The following DST variants were observed in gnomAD, a reference collection of about 807,000 sequenced individuals.
DST encodes bullous pemphigoid antigen.
DST carries 253 observed loss-of-function variants against 875.2 expected under a neutral mutation model. The ratio of observed to expected loss-of-function variants is 0.29; its 90% confidence interval spans 0.26 to 0.32. DST has a LOEUF of 0.32. DST is among the 10% of genes least tolerant of loss of function. The pLI, the probability that DST is intolerant of heterozygous loss-of-function variation, is 1.00. For synonymous variants in DST, 3,124 were observed against 3,197.1 expected (o/e 0.98, Z 0.77); for missense variants, 8,287 against 9,111.6 (o/e 0.91, Z 3.68).
chr6:56,484,610 A>G (rs540577795), intron 88 of DST: 2 of 152,184 alleles, frequency 1.3e-5, no homozygotes, highest in Non-Finnish European at 2.9e-5. Flanking sequence ...ACTATTCTAC[A>G]TTAGTACTAT....
At chr6:56,548,059 A>C (rs2097258642) in intron 61 of DST, among the ~76,000 whole-genome samples, 1 of 152,244 alleles carries the variant, frequency 6.6e-6, no homozygotes, top group Non-Finnish European at 1.5e-5. Context: ...TTCTGAGGTA[A>C]GGCATTTTTT....
chr6:56,916,778 TCACACACACACA>T (rs70989742), intron 2 of DST, among the ~76,000 whole-genome samples: 16 of 91,344 alleles, frequency 1.8e-4, no homozygotes, highest in African/African-American at 3.6e-4. Flanking sequence ...TCTCTCTCTC[TCACACACACACA>T]CACACACACA....
chr6:56,477,548 T>A (rs983519207), intron 90 of DST, 60 bp from the exon 91 acceptor site: 2 of 1,600,380 alleles, frequency 1.2e-6, no homozygotes, highest in African/African-American at 2.7e-5. Context: ...AAAACTCTGG[T>A]GGCATTTGTT....
chr6:56,790,303 T>C (rs2099716917), intron 4 of DST, among the ~76,000 whole-genome samples: 1 of 152,162 alleles, frequency 6.6e-6, no homozygotes, highest in Non-Finnish European at 1.5e-5. Flanking sequence ...AAAGAGGAGA[T>C]TGAGGCTCAG....
At chr6:56,597,374 TAC>T (rs2098401933) in intron 47 of DST, among the ~76,000 whole-genome samples, 1 of 152,184 alleles carries the variant, frequency 6.6e-6, no homozygotes, top group African/African-American at 2.4e-5. Flanking sequence ...TACTGTCAGT[TAC>T]AGTTTCCTCA....
intron 53 of DST, among the ~76,000 whole-genome samples, chr6:56,570,876 G>A (rs1344894867): frequency 1.3e-5 from 2 of 152,232 alleles, no homozygotes; most frequent in East Asian, 3.9e-4. Flanking sequence ...GCTGAATGCC[G>A]GCAGGCACAG....
intron 4 of DST, among the ~76,000 whole-genome samples, chr6:56,793,640 T>C (rs2099734988): frequency 6.6e-6 from 1 of 152,242 alleles, no homozygotes; most frequent in Non-Finnish European, 1.5e-5. Context: ...GGCTTTTTCT[T>C]AGTGCAGCAA....
Position 56,464,713 on chromosome 6 carries a change from A to G in DST, c.22731T>C (p.Ser7577=). 1 of 1,600,868 alleles carries G rather than the reference A, an allele frequency of 6.2e-7. No individual in the cohort carries two copies. Among genetic ancestry groups the G allele is most frequent in the East Asian group, 2.2e-5 (1 of 44,672 alleles). Residue 7577 remains serine, a synonymous_variant, in exon 100 of 104, where the codon TCT becomes TCC. Coordinates refer to ENST00000680361, the MANE Select transcript of DST (RefSeq NM_001374736.1). ...GSKMLRSESN[S]SITTTQPTIA... ...TAGTAGGCTGAGTAGTAGTAATTGA[A>G]GAGTTTGATTCCGAACGTAACATTT...
In DST at chr6:56,631,459, G is replaced by T. The variant is rs45553042; in HGVS notation, c.3964-70C>A. 78,540 of 1,248,992 alleles carry T rather than the reference G, an allele frequency of 0.063. 6,425 individuals carry two copies. Among genetic ancestry groups the T allele is most frequent in the African/African-American group, 0.39 (26,013 of 67,516 alleles). 77.4% of individuals were successfully genotyped at this position (1,248,992 alleles called of 1,614,324 possible). The stretch of plus-strand genomic sequence containing the variant: ...ATGAGGTGTTTTTCTTAAACTAGTT[G>T]AAAAACACACATTTCACATTAAGAA... On this transcript the variant is annotated intron_variant, in intron 29 of 103. Coordinates refer to ENST00000680361, the MANE Select transcript of DST (RefSeq NM_001374736.1).
intron 3 of DST, among the ~76,000 whole-genome samples, chr6:56,852,481 T>C (rs919354617): frequency 3.3e-5 from 5 of 152,182 alleles, no homozygotes; most frequent in Non-Finnish European, 1.5e-5. Context: ...AGGTTAGTCC[T>C]CCCTTCATCT....
chr6:56,883,618 T>C (rs1783239739), intron 3 of DST, among the ~76,000 whole-genome samples: 1 of 152,224 alleles, frequency 6.6e-6, no homozygotes, highest in Admixed American at 6.5e-5. Context: ...GGTTTGTTTC[T>C]TTCTCTAATG....
intron 90 of DST, among the ~76,000 whole-genome samples, chr6:56,479,093 T>C (rs578139049): frequency 1.3e-5 from 2 of 152,124 alleles, no homozygotes; most frequent in South Asian, 2.1e-4. Context: ...AACAACTCCA[T>C]TGAAAACTGG....
At chr6:56,526,639 T>C in intron 68 of DST, 72 bp from the exon 69 acceptor site, 1 of 1,408,350 alleles carries the variant, frequency 7.1e-7, no homozygotes. Flanking sequence ...TTCTTGGAGC[T>C]CAAGTCCTTT....
chr6:56,871,394 C>T, intron 3 of DST: 3 of 1,370,474 alleles, frequency 2.2e-6, no homozygotes, highest in Non-Finnish European at 3.1e-6. Flanking sequence ...CTGGAGTTGG[C>T]AGGTGTGCCC....
In DST at chr6:56,860,586, C is replaced by A. The variant is rs893696944; in HGVS notation, c.418-8982G>T. ...GACGAATCTAGCTGGACCCACCCACCCATCACTACTGCTAATGACTCCCTG... is the reference window on the plus strand; with the variant it reads ...GACGAATCTAGCTGGACCCACCCACACATCACTACTGCTAATGACTCCCTG... On this transcript the variant is annotated intron_variant, in intron 3 of 103. Transcript: ENST00000680361. Among the ~76,000 whole-genome samples the A allele has an allele frequency of 3.9e-5, 6 of 152,250 alleles. No homozygotes were observed. The South Asian group carries it at 1.2e-3, about 32-fold the overall frequency.
intron 50 of DST, among the ~76,000 whole-genome samples, chr6:56,574,512 A>C (rs2097834916): frequency 6.6e-6 from 1 of 152,202 alleles, no homozygotes; most frequent in Non-Finnish European, 1.5e-5. Flanking sequence ...TTTAAAGTTA[A>C]GATTATGCTT....
chr6:56,463,680 C>T lies in DST; in HGVS notation c.22844G>A (p.Arg7615Gln), dbSNP rs750542445. Reference protein sequence around the residue: ...ASQGMAAFRPRGRRSRPSSRG... With the variant: ...ASQGMAAFRPQGRRSRPSSRG... ...TGATGATGGCCGGGATCTTCGGCCT[C>T]GGGGTCGGAAAGCAGCCATACCCTG... The change falls in exon 101 of 104, where the codon CGA becomes CAA. Residue 7615 changes from arginine to glutamine, a missense_variant. This residue lies in a region of DST where 64 missense variants were observed against 86.2 expected (regional missense o/e 0.74). Transcript: ENST00000680361. 1.7e-5 allele frequency: 27 copies of T among 1,613,792 alleles called. No homozygotes were observed. The highest frequency in any genetic ancestry group is 1.6e-4 in the Middle Eastern group (1 of 6,084).
chr6:56,458,858 TA>T lies in DST; in HGVS notation c.*146del, dbSNP rs1562115493. ...GACAAAAAAAATTATACAGATAAAA[TA>T]AAAAGACAAATACACAAATAAGGCC... is the stretch of plus-strand genomic sequence containing the variant. On this transcript the variant is annotated 3_prime_UTR_variant, in exon 104 of 104. Coordinates refer to ENST00000680361, the MANE Select transcript of DST (RefSeq NM_001374736.1). 1 of 874,228 alleles carries T rather than the reference TA, an allele frequency of 1.1e-6. No homozygotes were observed. Among genetic ancestry groups the T allele is most frequent in the Non-Finnish European group, 1.6e-6 (1 of 614,838 alleles). 54.2% of individuals were successfully genotyped at this position (874,228 alleles called of 1,614,324 possible).
At chr6:56,476,400 T>A in intron 91 of DST, 63 bp from the exon 92 acceptor site, 1 of 1,330,242 alleles carries the variant, frequency 7.5e-7, no homozygotes, top group South Asian at 1.6e-5. Context: ...TGCAGTGATG[T>A]AAAATAAATA....
Sources: allele counts gnomAD v4.1 joint callset (sites outside exome capture counted in the v4.1 genomes callset), GRCh38; gene constraint gnomAD v4.1.1; regional missense constraint gnomAD v4.1.1; transcripts MANE v1.5; gene names NCBI Gene and HGNC (gene_info 2026-07-23, HGNC 2026-07-21).